ANKRD44: variants seen among roughly 807,000 people sequenced by gnomAD.
ANKRD44 encodes ankyrin repeat domain 44.
A neutral mutation model predicts 116.0 loss-of-function variants in ANKRD44; 35 were observed. The observed-to-expected ratio is 0.30, with a 90% CI of 0.23 to 0.40. ANKRD44 has a LOEUF of 0.40. Among genes scored for constraint, ANKRD44 ranks in the 10% least tolerant of loss-of-function variants. ANKRD44 has a pLI of 1.00. For missense variants in ANKRD44, 1,014 were observed against 1,242.6 expected (o/e 0.82, Z 2.77); for synonymous variants, 435 against 461.8 (o/e 0.94, Z 0.74).
chr2:197,207,646 T>A (rs188276913), intron 1 of ANKRD44, among the ~76,000 whole-genome samples: 3 of 152,214 alleles, frequency 2.0e-5, no homozygotes, highest in African/African-American at 7.2e-5. Context: ...TCCTTTGCCA[T>A]GGTGCTCTTT....
At chr2:197,263,405 T>C in intron 1 of ANKRD44, 1 of 602,156 alleles carries the variant, frequency 1.7e-6, no homozygotes, top group Non-Finnish European at 3.0e-6. Flanking sequence ...GGGAGCCTCA[T>C]CATTGATTAT....
At chr2:197,185,313 G>A (rs2080627123) in intron 2 of ANKRD44, among the ~76,000 whole-genome samples, 1 of 152,178 alleles carries the variant, frequency 6.6e-6, no homozygotes, top group African/African-American at 2.4e-5. Flanking sequence ...GCTGCCAAAA[G>A]CTTTTGCAAA....
intron 1 of ANKRD44, among the ~76,000 whole-genome samples, chr2:197,302,076 G>C (rs1047846788): frequency 6.6e-6 from 1 of 152,232 alleles, no homozygotes; most frequent in Non-Finnish European, 1.5e-5. Flanking sequence ...GAACAGCAAG[G>C]GTCCCGAGGC....
chr2:197,263,700 A>G (rs1203930584), intron 1 of ANKRD44, among the ~76,000 whole-genome samples: 1 of 152,166 alleles, frequency 6.6e-6, no homozygotes, highest in African/African-American at 2.4e-5. Flanking sequence ...AAAAGGTGTC[A>G]AGTTTGAATT....
chr2:196,989,441 G>GA lies in ANKRD44; in HGVS notation c.*149dup, dbSNP rs1013339298. The GA allele has an allele frequency of 6.7e-5, 85 of 1,261,758 alleles. No homozygotes were observed. The African/African-American group carries it at 1.2e-3, about 18-fold the overall frequency. 78.2% of individuals were successfully genotyped at this position (1,261,758 alleles called of 1,614,324 possible). On this transcript the variant is annotated 3_prime_UTR_variant, in exon 28 of 28. Transcript: ENST00000282272. Reference sequence around the variant, plus strand: ...TTCAGTTCTCACTTGCATTTTGAAGGAAAAAAATGTGTATCTTCCATTTTA... The same window carrying GA: ...TTCAGTTCTCACTTGCATTTTGAAGGAAAAAAAATGTGTATCTTCCATTTTA...
At chr2:197,018,238 C>T (rs2076428596) in intron 17 of ANKRD44, among the ~76,000 whole-genome samples, 1 of 152,120 alleles carries the variant, frequency 6.6e-6, no homozygotes, top group Admixed American at 6.6e-5. Flanking sequence ...TTAAAACTAG[C>T]CTATGACGTC....
rs529576038 is a variant in ANKRD44 at position 197,261,376 on chromosome 2, C to T, written c.27+49202G>A. Among the ~76,000 whole-genome samples, 126 of 151,860 alleles carry T rather than the reference C, an allele frequency of 8.3e-4. 1 individual carries two copies. The highest frequency in any genetic ancestry group is 2.8e-3 in the African/African-American group (116 of 41,404). On this transcript the variant is annotated intron_variant, in intron 1 of 27. Coordinates refer to ENST00000282272, the MANE Select transcript of ANKRD44 (RefSeq NM_001195144.2). ...TTGTTTTTGTCAGGTTTGTCAAAGA[C>T]CAGATAGTTGTAGATATGTGGAATT...
intron 16 of ANKRD44, among the ~76,000 whole-genome samples, chr2:197,027,156 T>C (rs572141486): frequency 1.3e-5 from 2 of 151,238 alleles, no homozygotes; most frequent in South Asian, 4.2e-4. Context: ...AGCTCAGGAG[T>C]TCAAGACCAG....
chr2:197,155,336 T>C (rs530688734), intron 2 of ANKRD44, among the ~76,000 whole-genome samples: 6 of 152,296 alleles, frequency 3.9e-5, no homozygotes, highest in Admixed American at 1.3e-4. Flanking sequence ...TCTGATTCCA[T>C]TGTTCACGCT....
chr2:197,000,483 A>T lies in ANKRD44; in HGVS notation c.2455T>A (p.Cys819Ser), dbSNP rs375158726. 44 of 1,614,042 alleles carry T rather than the reference A, an allele frequency of 2.7e-5. No homozygotes were observed. Among genetic ancestry groups the T allele is most frequent in the Non-Finnish European group, 3.6e-5 (43 of 1,179,906 alleles). Residue 819 changes from cysteine (C) to serine (S), a missense_variant, in exon 23 of 28, where the codon TGT (cysteine) becomes AGT (serine). Physicochemically the swap from Cys to Ser is moderately radical, Grantham distance 112 (BLOSUM62 -1). Transcript: ENST00000282272. ...HCAIINDHGN[C>S]ASLLLGAIDS... ...ATGGCCCCAAGCAGCAATGATGCAC[A>T]ATTCCCATGATCATTGATTCTAAAA... is the stretch of plus-strand genomic sequence containing the variant.
chr2:197,175,526 C>T (rs2125559051), intron 2 of ANKRD44, among the ~76,000 whole-genome samples: 1 of 152,298 alleles, frequency 6.6e-6, no homozygotes, highest in East Asian at 1.9e-4. Context: ...TACCACTGAG[C>T]TGAAGAGCCA....
intron 1 of ANKRD44, among the ~76,000 whole-genome samples, chr2:197,243,130 G>A (rs2082124013): frequency 1.3e-5 from 2 of 152,118 alleles, no homozygotes; most frequent in African/African-American, 4.8e-5. Context: ...AATAATATTA[G>A]AAAAGCTCTT....
intron 2 of ANKRD44, among the ~76,000 whole-genome samples, chr2:197,186,617 T>A (rs914466658): frequency 1.1e-3 from 12 of 11,168 alleles, no homozygotes; most frequent in Admixed American, 6.2e-3. Context: ...TTTTTCTTTT[T>A]TTTTTTTTTT....
At chr2:196,991,048 G>T in intron 27 of ANKRD44, 1 of 948,644 alleles carries the variant, frequency 1.1e-6, no homozygotes, top group Non-Finnish European at 1.4e-6. Context: ...TAGAAATCAT[G>T]CCAGGTAAAA....
chr2:197,046,876 G>T (rs2077011433), intron 16 of ANKRD44, among the ~76,000 whole-genome samples: 1 of 152,126 alleles, frequency 6.6e-6, no homozygotes, highest in Non-Finnish European at 1.5e-5. Context: ...CCCATGAATA[G>T]AAATTAATTT....
chr2:197,120,840 T>C (rs1382389733), intron 8 of ANKRD44, among the ~76,000 whole-genome samples: 1 of 152,084 alleles, frequency 6.6e-6, no homozygotes, highest in African/African-American at 2.4e-5. Context: ...GTATTTGTCC[T>C]GACACATTCA....
intron 2 of ANKRD44, among the ~76,000 whole-genome samples, chr2:197,182,471 C>G (rs2125585204): frequency 6.6e-6 from 1 of 152,294 alleles, no homozygotes; most frequent in African/African-American, 2.4e-5. Flanking sequence ...GAGAAATGAA[C>G]TATAAGCTAC....
chr2:197,016,136 G>C, intron 17 of ANKRD44: 2 of 325,640 alleles, frequency 6.1e-6, no homozygotes, highest in South Asian at 2.6e-5. Context: ...ATCTGCCACA[G>C]GAATGATCAT....
intron 1 of ANKRD44, among the ~76,000 whole-genome samples, chr2:197,258,612 G>T (rs1182659134): frequency 6.6e-6 from 1 of 152,074 alleles, no homozygotes; most frequent in Non-Finnish European, 1.5e-5. Flanking sequence ...CCCAGACGTA[G>T]GATTGCTAGA....
Sources: allele counts gnomAD v4.1 joint callset (sites outside exome capture counted in the v4.1 genomes callset), GRCh38; gene constraint gnomAD v4.1.1; transcripts MANE v1.5; gene names NCBI Gene and HGNC (gene_info 2026-07-23, HGNC 2026-07-21).